CDKAL1: variants seen among roughly 807,000 people sequenced by gnomAD.
The protein encoded by CDKAL1 is CDKAL1 threonylcarbamoyladenosine tRNA methylthiotransferase, also known as threonylcarbamoyladenosine tRNA methylthiotransferase.
A neutral mutation model predicts 68.2 loss-of-function variants in CDKAL1; 32 were observed. That is an observed-to-expected ratio of 0.47 (90% CI 0.35 to 0.63). CDKAL1 has a LOEUF of 0.63. CDKAL1 is among the 30% of genes least tolerant of loss of function. The pLI is 0.00. For missense variants in CDKAL1, 606 were observed against 696.7 expected, an observed-to-expected ratio of 0.87 and a Z score of 1.47; for synonymous variants, 234 against 244.3, an observed-to-expected ratio of 0.96 and a Z score of 0.39.
intron 15 of CDKAL1, among the ~76,000 whole-genome samples, chr6:21,229,929 C>T (rs191901960): frequency 1.5e-3 from 224 of 152,320 alleles, no homozygotes; most frequent in African/African-American, 5.1e-3. Context: ...GCTGCACAGT[C>T]AGGTCCCCAG....
chr6:20,842,539 A>G (rs1778216026), intron 8 of CDKAL1, among the ~76,000 whole-genome samples: 1 of 152,168 alleles, frequency 6.6e-6, no homozygotes, highest in South Asian at 2.1e-4. Context: ...GAACTTCAAA[A>G]CTATCATGTT....
At chr6:20,862,796 G>A (rs757844127) in intron 9 of CDKAL1, among the ~76,000 whole-genome samples, 18 of 152,188 alleles carry the variant, frequency 1.2e-4, no homozygotes, top group Non-Finnish European at 8.8e-5. Flanking sequence ...GGAGGCTGAG[G>A]TGGGTGGATC....
intron 6 of CDKAL1, among the ~76,000 whole-genome samples, chr6:20,751,240 CT>C (rs567720837): frequency 6.1e-5 from 9 of 148,742 alleles, no homozygotes; most frequent in South Asian, 2.1e-4. Context: ...AATGAGTGGA[CT>C]TTTTTTTTTA....
rs78537605 is a variant in CDKAL1 at position 20,796,859 on chromosome 6, T to C, written c.638+15594T>C. Among the ~76,000 whole-genome samples, 80 of 152,298 alleles carry C rather than the reference T, an allele frequency of 5.3e-4. 1 individual carries two copies. In the East Asian group the frequency reaches 0.015, roughly 28 times the overall value. ...ACCCAAAAGGGATCCAAGTTCAAAATGTAAAATGTAAAACCTTTTTTCTTA... is the reference window on the plus strand; with the variant it reads ...ACCCAAAAGGGATCCAAGTTCAAAACGTAAAATGTAAAACCTTTTTTCTTA... On this transcript the variant is annotated intron_variant, in intron 8 of 15. Transcript: ENST00000274695.
intron 11 of CDKAL1, among the ~76,000 whole-genome samples, chr6:21,018,744 T>C (rs1768473971): frequency 6.6e-6 from 1 of 152,194 alleles, no homozygotes; most frequent in Non-Finnish European, 1.5e-5. Flanking sequence ...TGTTTTCTGT[T>C]ATTACGTTTA....
chr6:21,171,730 A>C (rs1777397203), intron 13 of CDKAL1, among the ~76,000 whole-genome samples: 1 of 152,172 alleles, frequency 6.6e-6, no homozygotes, highest in Non-Finnish European at 1.5e-5. Context: ...TAGAAGCACA[A>C]TTAATAGGTT....
chr6:21,091,907 G>T (rs1654398349), intron 12 of CDKAL1, among the ~76,000 whole-genome samples: 1 of 82,408 alleles, frequency 1.2e-5, no homozygotes, highest in Non-Finnish European at 2.4e-5. Context: ...TTTTTTTTGA[G>T]ACGGAGGCTC....
chr6:21,153,148 G>GT (rs1381056914), intron 13 of CDKAL1, among the ~76,000 whole-genome samples: 1 of 146,460 alleles, frequency 6.8e-6, no homozygotes, highest in African/African-American at 2.5e-5. Context: ...TTCTTAACCT[G>GT]TTTTTTCTAA....
chr6:20,767,915 G>A lies in CDKAL1; in HGVS notation c.517+9272G>A, dbSNP rs537264704. On this transcript the variant is annotated intron_variant, in intron 7 of 15. Coordinates refer to ENST00000274695, the MANE Select transcript of CDKAL1 (RefSeq NM_017774.3). ...AGAGAAAACTCACTTGGAGACTTCA[G>A]TTAGGATATCAACTCTGGATATCCT... is the stretch of plus-strand genomic sequence containing the variant. Among the ~76,000 whole-genome samples, 8 of 152,244 alleles carry A rather than the reference G, an allele frequency of 5.3e-5. 1 individual carries two copies. The South Asian group carries it at 1.7e-3, about 32-fold the overall frequency.
intron 13 of CDKAL1, among the ~76,000 whole-genome samples, chr6:21,149,889 G>C (rs1258205933): frequency 6.6e-6 from 1 of 152,038 alleles, no homozygotes; most frequent in Non-Finnish European, 1.5e-5. Context: ...ATAGAGTCTT[G>C]CTCTGGCACC....
intron 7 of CDKAL1, among the ~76,000 whole-genome samples, chr6:20,774,901 G>T (rs967826564): frequency 2.0e-5 from 3 of 152,056 alleles, no homozygotes; most frequent in Non-Finnish European, 2.9e-5. Context: ...AATTGAATTT[G>T]GTTTTAACAG....
At chr6:20,813,993 T>C (rs1776933843) in intron 8 of CDKAL1, among the ~76,000 whole-genome samples, 1 of 152,184 alleles carries the variant, frequency 6.6e-6, no homozygotes, top group Non-Finnish European at 1.5e-5. Context: ...TTGGATTCCA[T>C]TGAATTTATG....
At chr6:20,940,041 A>C (rs1334122413) in intron 9 of CDKAL1, among the ~76,000 whole-genome samples, 1 of 152,204 alleles carries the variant, frequency 6.6e-6, no homozygotes, top group Non-Finnish European at 1.5e-5. Flanking sequence ...TTTTAAATAC[A>C]ATAGTCTCTA....
chr6:21,201,240 C>G lies in CDKAL1; in HGVS notation c.1514C>G (p.Pro505Arg). The G allele has an allele frequency of 6.2e-7, 1 of 1,610,684 alleles. No individual in the cohort carries two copies. Among genetic ancestry groups the G allele is most frequent in the Non-Finnish European group, 8.5e-7 (1 of 1,177,316 alleles). Residue 505 changes from proline to arginine, a missense_variant, in exon 15 of 16, where the codon CCG (proline) becomes CGG (arginine). Physicochemically the swap from Pro to Arg is moderately radical, Grantham distance 103 (BLOSUM62 -2). Coordinates refer to ENST00000274695, the MANE Select transcript of CDKAL1 (RefSeq NM_017774.3). ...AKVYTPSISK[P>R]LAKGEVSGLT... ...GTGTACACGCCCTCCATCAGCAAAC[C>G]GCTAGCAAAGGGAGAAGTCTCGGGT...
At chr6:21,113,206 C>T (rs967138068) in intron 13 of CDKAL1, among the ~76,000 whole-genome samples, 2 of 152,102 alleles carry the variant, frequency 1.3e-5, no homozygotes, top group African/African-American at 4.8e-5. Context: ...AGTTTACATT[C>T]GGAAACAGAT....
At chr6:21,083,161 C>A (rs887203011) in intron 12 of CDKAL1, among the ~76,000 whole-genome samples, 1 of 152,024 alleles carries the variant, frequency 6.6e-6, no homozygotes, top group African/African-American at 2.4e-5. Context: ...CCACCATGCC[C>A]GGTCTCATTT....
intron 8 of CDKAL1, among the ~76,000 whole-genome samples, chr6:20,805,969 A>G (rs1410890578): frequency 6.6e-6 from 1 of 152,206 alleles, no homozygotes; most frequent in East Asian, 1.9e-4. Flanking sequence ...ATATGATTTC[A>G]AATGTTTTTT....
intron 5 of CDKAL1, among the ~76,000 whole-genome samples, chr6:20,711,310 T>C (rs1771834040): frequency 6.6e-6 from 1 of 152,230 alleles, no homozygotes; most frequent in Non-Finnish European, 1.5e-5. Flanking sequence ...TAGCCAAATA[T>C]GAGATTCTAA....
intron 9 of CDKAL1, among the ~76,000 whole-genome samples, chr6:20,849,420 A>T (rs1758883006): frequency 6.6e-6 from 1 of 152,018 alleles, no homozygotes; most frequent in African/African-American, 2.4e-5. Flanking sequence ...CGTCTCTACT[A>T]AAACTACAAA....
Sources: gnomAD v4.1 joint callset for allele counts (sites outside exome capture counted in the v4.1 genomes callset) on GRCh38, gnomAD v4.1.1 for gene constraint, MANE v1.5 for transcripts, NCBI Gene and HGNC (gene_info 2026-07-23, HGNC 2026-07-21) for gene names.